The following SLC5A9 variants were observed in gnomAD, a reference collection of about 807,000 sequenced individuals.
SLC5A9 encodes the protein solute carrier family 5 member 9.
A neutral mutation model predicts 70.9 loss-of-function variants in SLC5A9; 59 were observed. That is an observed-to-expected ratio of 0.83 (90% CI 0.68 to 1.03). The LOEUF (loss-of-function observed/expected upper bound fraction) is 1.03. Ranked by LOEUF, SLC5A9 falls within the 50% of genes least tolerant of loss-of-function variation. The pLI is 0.00. For missense variants in SLC5A9, 832 were observed against 881.1 expected (o/e 0.94, Z 0.71); for synonymous variants, 340 against 346.5 (o/e 0.98, Z 0.21).
At chr1:48,224,245 C>T (rs1644112111) in intron 1 of SLC5A9, among the ~76,000 whole-genome samples, 1 of 152,288 alleles carries the variant, frequency 6.6e-6, no homozygotes, top group African/African-American at 2.4e-5. Flanking sequence ...CAAAACAGTA[C>T]CCATAACTCT....
chr1:48,224,932 C>A, intron 2 of SLC5A9, 137 bp downstream of exon 2: 1 of 854,156 alleles, frequency 1.2e-6, no homozygotes. Context: ...GACTCTGGGC[C>A]CCTTCTCTCC....
intron 6 of SLC5A9, 113 bp from the exon 7 acceptor site, chr1:48,231,833 C>G: frequency 6.4e-7 from 1 of 1,553,476 alleles, no homozygotes; most frequent in Non-Finnish European, 8.7e-7. Flanking sequence ...CTCCTTCACC[C>G]CCAATCCCCA....
At chr1:48,227,458 G>C (rs1027607629) in intron 2 of SLC5A9, among the ~76,000 whole-genome samples, 4 of 143,704 alleles carry the variant, frequency 2.8e-5, no homozygotes, top group African/African-American at 8.0e-5. Context: ...GTGTGAGAGA[G>C]TGTGTGTACT....
chr1:48,228,542 C>T (rs951875646), intron 2 of SLC5A9: 10 of 346,938 alleles, frequency 2.9e-5, no homozygotes, highest in Admixed American at 8.5e-5. Flanking sequence ...GGCCTCAGGG[C>T]GGAGGTCCAC....
chr1:48,237,928 T>C, intron 11 of SLC5A9, 81 bp downstream of exon 11: 2 of 1,448,894 alleles, frequency 1.4e-6, no homozygotes, highest in African/African-American at 1.4e-5. Context: ...TCTGTGACCT[T>C]GAGAAAATCC....
intron 6 of SLC5A9, 100 bp downstream of exon 6, chr1:48,231,725 G>C (rs1479619738): frequency 3.9e-6 from 6 of 1,531,618 alleles, no homozygotes; most frequent in Admixed American, 2.0e-5. Flanking sequence ...CCAGTGCATA[G>C]AGCCATGTGA....
intron 12 of SLC5A9, chr1:48,241,853 T>C (rs910049239): frequency 8.5e-5 from 38 of 449,592 alleles, no homozygotes; most frequent in African/African-American, 7.6e-4. Flanking sequence ...GCAGGAACCC[T>C]GGAGCCATAT....
intron 9 of SLC5A9, among the ~76,000 whole-genome samples, chr1:48,235,315 A>AT (rs1644311182): frequency 6.6e-6 from 1 of 152,210 alleles, no homozygotes; most frequent in Admixed American, 6.5e-5. Context: ...GATCCACCCA[A>AT]TTATTAATAA....
rs866488427 is a variant in SLC5A9, at chr1:48,222,764, C to A, written c.28C>A (p.Pro10Thr). The part of the protein sequence containing the change: MSKELAAMG[P>T]GASGDGVRTE... Reference sequence around the variant, plus strand: ...GAGCAAGGAGCTGGCAGCAATGGGGCCTGGAGCTTCAGGGGACGGGGTCAG... The same window carrying A: ...GAGCAAGGAGCTGGCAGCAATGGGGACTGGAGCTTCAGGGGACGGGGTCAG... Residue 10 changes from proline to threonine, a missense_variant, in exon 1 of 14, where the codon CCT (proline) becomes ACT (threonine). Pro to Thr is a conservative substitution (Grantham distance 38, BLOSUM62 -1). Coordinates refer to ENST00000438567, the MANE Select transcript of SLC5A9 (RefSeq NM_001011547.3). 1 of 1,614,136 alleles carries A rather than the reference C, an allele frequency of 6.2e-7. No homozygotes were observed. Among genetic ancestry groups the A allele is most frequent in the African/African-American group, 1.3e-5 (1 of 75,040 alleles).
chr1:48,225,309 G>A (rs568564856), intron 2 of SLC5A9, among the ~76,000 whole-genome samples: 24 of 152,124 alleles, frequency 1.6e-4, no homozygotes, highest in Non-Finnish European at 2.1e-4. Flanking sequence ...TCAGGGAATC[G>A]ATCCCCAAAA....
Position 48,233,825 on chromosome 1 carries a change from C to G in SLC5A9, c.1141+63C>G. ...CTCCAGCCTCCTCCAATCTCCACTG[C>G]CCAGGAGGGAAGGCACTAACATGGA... On this transcript the variant is annotated intron_variant, in intron 9 of 13. Coordinates refer to ENST00000438567, the MANE Select transcript of SLC5A9 (RefSeq NM_001011547.3). 3 of 1,209,480 alleles carry G rather than the reference C, an allele frequency of 2.5e-6. No homozygotes were observed. In the South Asian group the frequency reaches 3.8e-5, roughly 15 times the overall value. The allele number at this position is 1,209,480 out of a possible 1,614,324, so 74.9% of individuals were successfully genotyped here. A position where few individuals can be genotyped will look rare whatever the true frequency, so the allele number is the denominator to read the frequency against.
intron 2 of SLC5A9, 24 bp downstream of exon 2, chr1:48,224,819 C>A: frequency 6.2e-7 from 1 of 1,611,150 alleles, no homozygotes; most frequent in Non-Finnish European, 8.5e-7. Flanking sequence ...TCTCAACCAC[C>A]CCTAGTGCAG....
chr1:48,241,702 T>TCC (rs1644391961), intron 12 of SLC5A9, among the ~76,000 whole-genome samples: 1 of 149,380 alleles, frequency 6.7e-6, no homozygotes, highest in Non-Finnish European at 1.5e-5. Context: ...TGTGTACATG[T>TCC]TCTCTCTCTC....
rs577296499 is a variant in SLC5A9 at position 48,231,647 on chromosome 1, A to AC, written c.691+26dup. ...CTGGGTAAGGAAGAGACCTAAATAT[A>AC]CCCCACTGTCATTCTTAAATTCCTC... On this transcript the variant is annotated intron_variant, in intron 6 of 13. Coordinates refer to ENST00000438567, the MANE Select transcript of SLC5A9 (RefSeq NM_001011547.3). 1,555 of 1,612,834 alleles carry AC rather than the reference A, an allele frequency of 9.6e-4. 5 individuals are homozygous for AC. Among genetic ancestry groups the AC allele is most frequent in the East Asian group, 3.3e-3 (149 of 44,832 alleles).
At chr1:48,246,599 C>T (rs746568318) in intron 13 of SLC5A9, among the ~76,000 whole-genome samples, 4 of 152,132 alleles carry the variant, frequency 2.6e-5, no homozygotes, top group African/African-American at 4.8e-5. Flanking sequence ...CTTTTAACCT[C>T]AGAGCAGGCC....
chr1:48,224,947 C>A, intron 2 of SLC5A9, 152 bp downstream of exon 2: 1 of 738,680 alleles, frequency 1.4e-6, no homozygotes. Context: ...CTCTCCCGCC[C>A]AAACCCGCCC....
At chr1:48,231,203 C>T (rs996696766) in intron 5 of SLC5A9, among the ~76,000 whole-genome samples, 2 of 152,094 alleles carry the variant, frequency 1.3e-5, no homozygotes, top group Non-Finnish European at 2.9e-5. Flanking sequence ...TTTAGATGGG[C>T]ATTGGGAGGA....
chr1:48,242,548 C>T lies in SLC5A9; in HGVS notation c.1769C>T (p.Pro590Leu). The T allele has an allele frequency of 1.2e-6, 2 of 1,613,736 alleles. No homozygotes were observed. Among genetic ancestry groups the T allele is most frequent in the Non-Finnish European group, 1.7e-6 (2 of 1,179,758 alleles). Residue 590 changes from proline (P) to leucine (L), a missense_variant, in exon 13 of 14, where the codon CCA (proline) becomes CTA (leucine). Transcript: ENST00000438567. ...HESTPEISER[P>L]AGECPAGGGA... ...AGCACACCGGAGATATCCGAGAGGC[C>T]AGCCGGGGAGTGCCCTGCAGGAGGT...
chr1:48,242,416 C>A, intron 12 of SLC5A9, 41 bp from the exon 13 acceptor site: 4 of 1,544,312 alleles, frequency 2.6e-6, no homozygotes. Flanking sequence ...AGCATGACTT[C>A]TCTCCAAGGC....
Sources: gnomAD v4.1 joint callset for allele counts (sites outside exome capture counted in the v4.1 genomes callset) on GRCh38, gnomAD v4.1.1 for gene constraint, MANE v1.5 for transcripts, NCBI Gene and HGNC (gene_info 2026-07-23, HGNC 2026-07-21) for gene names.